SNX1: variants seen among roughly 807,000 people sequenced by gnomAD.
The protein encoded by SNX1 is sorting nexin-1.
In SNX1, 36 loss-of-function variants were observed where a neutral mutation model predicts 71.8. That is an observed-to-expected ratio of 0.50 (90% CI 0.38 to 0.66). The LOEUF is 0.66. SNX1 is among the 30% of genes least tolerant of loss of function. The pLI is 0.00. For missense variants in SNX1, 612 were observed against 646.7 expected, an observed-to-expected ratio of 0.95 and a Z score of 0.58; for synonymous variants, 254 against 240.7, an observed-to-expected ratio of 1.06 and a Z score of -0.51.
At chr15:64,103,486 G>T (rs539678178) in intron 1 of SNX1, among the ~76,000 whole-genome samples, 1 of 152,086 alleles carries the variant, frequency 6.6e-6, no homozygotes, top group African/African-American at 2.4e-5. Context: ...CATGAAAATT[G>T]TATGGTTTGG....
rs1312802498 is a variant in SNX1 at position 64,130,038 on chromosome 15, C to G, written c.921+9C>G. 1 of 1,594,308 alleles carries G rather than the reference C, an allele frequency of 6.3e-7. No individual in the cohort carries two copies. The highest frequency in any genetic ancestry group is 8.6e-7 in the Non-Finnish European group (1 of 1,162,212). On this transcript the variant is annotated intron_variant, in intron 9 of 14. Transcript: ENST00000559844. ...TGAATGAATCAGACATTGTGAGTAG[C>G]CCTGTGCCTCTTACCTCCACCTACA...
intron 1 of SNX1, chr15:64,111,527 T>C (rs146201314): frequency 2.0e-5 from 3 of 152,364 alleles, no homozygotes; most frequent in Admixed American, 6.5e-5. Flanking sequence ...TGTAACTGAC[T>C]GTGAACAGTC....
In SNX1 at chr15:64,142,858, C is replaced by T; in HGVS notation, c.*5240C>T. 9.3e-6 allele frequency: 3 copies of T among 320,978 alleles called. No individual in the cohort carries two copies. Among genetic ancestry groups the T allele is most frequent in the South Asian group, 7.3e-5 (3 of 41,064 alleles). 19.9% of individuals were successfully genotyped at this position (320,978 alleles called of 1,614,324 possible). A position where few individuals can be genotyped will look rare whatever the true frequency, so the allele number is the denominator to read the frequency against. On this transcript the variant is annotated 3_prime_UTR_variant, in exon 15 of 15. Transcript: ENST00000559844. ...AAAATACCAGCAACTGTTAACTCTT[C>T]CCAGAAGATTTTCATTCTGAATGCT...
chr15:64,133,654 C>T (rs2081329344), intron 11 of SNX1, among the ~76,000 whole-genome samples: 3 of 152,200 alleles, frequency 2.0e-5, no homozygotes, highest in African/African-American at 7.2e-5. Context: ...CGCTTGAAAC[C>T]AGGAGGTGGA....
intron 10 of SNX1, among the ~76,000 whole-genome samples, chr15:64,130,919 T>C (rs2081299801): frequency 1.3e-5 from 2 of 152,238 alleles, no homozygotes; most frequent in Non-Finnish European, 1.5e-5. Context: ...TTTAGGTTTT[T>C]ACATTTTTAA....
chr15:64,104,835 A>G (rs1879099319), intron 1 of SNX1, among the ~76,000 whole-genome samples: 2 of 149,410 alleles, frequency 1.3e-5, no homozygotes, highest in South Asian at 4.3e-4. Flanking sequence ...CAGTGAGCTG[A>G]GATTGCGCCA....
At position 64,105,210 on chromosome 15, in the gene SNX1, C is replaced by T. The variant is rs544081291; in HGVS notation, c.160-7363C>T. Reference sequence around the variant, plus strand: ...CTCCAGCCTGGGGGATACAGCGAGACTCTGTCTCAAAAAAAAAAAAAAATT... The same window carrying T: ...CTCCAGCCTGGGGGATACAGCGAGATTCTGTCTCAAAAAAAAAAAAAAATT... On this transcript the variant is annotated intron_variant, in intron 1 of 14. Transcript: ENST00000559844. 2.4e-4 allele frequency among the ~76,000 whole-genome samples: 29 copies of T among 120,828 alleles called. No individual in the cohort carries two copies. The South Asian group carries it at 3.1e-3, about 13-fold the overall frequency. The allele number at this position is 120,828 out of a possible 152,430, so 79.3% of individuals were successfully genotyped here. A position where few individuals can be genotyped will look rare whatever the true frequency, so the allele number is the denominator to read the frequency against.
Position 64,134,946 on chromosome 15 carries a change from C to T in SNX1, c.1365+139C>T. 2 of 1,150,058 alleles carry T rather than the reference C, an allele frequency of 1.7e-6. No homozygotes were observed. Among genetic ancestry groups the T allele is most frequent in the Non-Finnish European group, 2.4e-6 (2 of 828,468 alleles). The allele number at this position is 1,150,058 out of a possible 1,614,324, so 71.2% of individuals were successfully genotyped here. A position where few individuals can be genotyped will look rare whatever the true frequency, so the allele number is the denominator to read the frequency against. On this transcript the variant is annotated intron_variant, in intron 12 of 14. Transcript: ENST00000559844. The surrounding 1 kb of genome is among the most constrained non-coding windows in gnomAD (Gnocchi z 4.1). ...TAAAGGGCCGTGGCTGCTGAGGAAG[C>T]CTCTGAGAATGACTCCAGGCCTTCC...
intron 1 of SNX1, among the ~76,000 whole-genome samples, chr15:64,103,955 A>G (rs1387678359): frequency 2.6e-5 from 4 of 152,242 alleles, no homozygotes; most frequent in Non-Finnish European, 5.9e-5. Context: ...AGTGTTTTCT[A>G]CAGGGATATT....
At chr15:64,104,290 T>TTG (rs1567316738) in intron 1 of SNX1, among the ~76,000 whole-genome samples, 3 of 149,734 alleles carry the variant, frequency 2.0e-5, no homozygotes, top group African/African-American at 7.4e-5. Context: ...TTTTTTTTTT[T>TTG]GGGACGGAGT....
intron 1 of SNX1, among the ~76,000 whole-genome samples, chr15:64,110,420 A>G (rs372644077): frequency 3.3e-5 from 5 of 152,264 alleles, no homozygotes; most frequent in African/African-American, 7.2e-5. Flanking sequence ...TTTTTGAGGC[A>G]GGGTTTTGCT....
rs1232032697 is a variant in SNX1 at position 64,142,714 on chromosome 15, G to T, written c.*5096G>T. The T allele has an allele frequency of 4.4e-6, 2 of 456,012 alleles. No homozygotes were observed. The highest frequency in any genetic ancestry group is 8.8e-6 in the Non-Finnish European group (2 of 226,788). The allele number at this position is 456,012 out of a possible 1,614,324, so 28.2% of individuals were successfully genotyped here. A position where few individuals can be genotyped will look rare whatever the true frequency, so the allele number is the denominator to read the frequency against. Reference sequence around the variant, plus strand: ...TTCCCCTTGGCTAGTTCAGCGTTTGGGCTCCGGAGTGCTGAAGATGAGGAC... The same window carrying T: ...TTCCCCTTGGCTAGTTCAGCGTTTGTGCTCCGGAGTGCTGAAGATGAGGAC... On this transcript the variant is annotated 3_prime_UTR_variant, in exon 15 of 15. Coordinates refer to ENST00000559844, the MANE Select transcript of SNX1 (RefSeq NM_003099.5).
intron 8 of SNX1, among the ~76,000 whole-genome samples, chr15:64,128,047 C>A (rs1259765066): frequency 1.3e-5 from 2 of 152,188 alleles, no homozygotes; most frequent in South Asian, 4.1e-4. Flanking sequence ...CTTACTGGAT[C>A]AACACAGTGA....
At position 64,096,057 on chromosome 15, in the gene SNX1, C is replaced by G; in HGVS notation, c.44C>G (p.Pro15Arg). The G allele has an allele frequency of 6.3e-7, 1 of 1,589,686 alleles. No homozygotes were observed. The change falls in exon 1 of 15, where the codon CCT becomes CGT. Residue 15 changes from proline (P) to arginine (R), a missense_variant. This residue lies in a region of SNX1 where 316 missense variants were observed against 284.9 expected (regional missense o/e 1.11). Coordinates refer to ENST00000559844, the MANE Select transcript of SNX1 (RefSeq NM_003099.5). ...GGCTGTAGCGCTTCGGAGAGACTGCCTCCGCCCTTCCCCGGCCTGGAGCCG... is the reference window on the plus strand; with the variant it reads ...GGCTGTAGCGCTTCGGAGAGACTGCGTCCGCCCTTCCCCGGCCTGGAGCCG... Reference protein sequence around the residue: ...GGGCSASERLPPPFPGLEPES... With the variant: ...GGGCSASERLRPPFPGLEPES...
At chr15:64,133,334 A>T (rs1303710670) in intron 11 of SNX1, among the ~76,000 whole-genome samples, 1 of 152,244 alleles carries the variant, frequency 6.6e-6, no homozygotes, top group Non-Finnish European at 1.5e-5. Context: ...AAGATGCTGC[A>T]GGGTAGCAGC....
intron 1 of SNX1, among the ~76,000 whole-genome samples, chr15:64,098,108 A>T (rs1398024142): frequency 6.6e-6 from 1 of 152,202 alleles, no homozygotes; most frequent in African/African-American, 2.4e-5. Flanking sequence ...GGCTCAATGG[A>T]TCCTCCCTTC....
At chr15:64,118,935 C>A in intron 4 of SNX1, 81 bp downstream of exon 4, 1 of 1,051,656 alleles carries the variant, frequency 9.5e-7, no homozygotes. Flanking sequence ...ATGGCTACCC[C>A]CAGAGTTGAA....
intron 13 of SNX1, 66 bp downstream of exon 13, chr15:64,136,476 G>C: frequency 7.4e-7 from 1 of 1,358,540 alleles, no homozygotes; most frequent in Non-Finnish European, 1.1e-6. Context: ...TCTTGGTGTT[G>C]TCCAACTCTG....
At chr15:64,099,291 GATTAA>G (rs2080934588) in intron 1 of SNX1, among the ~76,000 whole-genome samples, 1 of 152,160 alleles carries the variant, frequency 6.6e-6, no homozygotes, top group African/African-American at 2.4e-5. Context: ...CTATTGTGAA[GATTAA>G]ATTAAAATGC....
Sources: allele counts gnomAD v4.1 joint callset (sites outside exome capture counted in the v4.1 genomes callset), GRCh38; gene constraint gnomAD v4.1.1; regional missense constraint gnomAD v4.1.1; non-coding constraint Gnocchi (gnomAD v3.1); transcripts MANE v1.5; gene names NCBI Gene and HGNC (gene_info 2026-07-23, HGNC 2026-07-21).